Variants in MAML3 observed in about 807,000 individuals in gnomAD.
MAML3 encodes mastermind-like protein 3.
A neutral mutation model predicts 101.9 loss-of-function variants in MAML3; 27 were observed. The ratio of observed to expected loss-of-function variants is 0.27; its 90% confidence interval spans 0.20 to 0.37. MAML3 has a LOEUF of 0.37. Among genes scored for constraint, MAML3 ranks in the 10% least tolerant of loss-of-function variants. The pLI, the probability that MAML3 is intolerant of heterozygous loss-of-function variation, is 1.00. For synonymous variants in MAML3, 501 were observed against 555.9 expected (o/e 0.90, Z 1.39); for missense variants, 1,316 against 1,444.9 (o/e 0.91, Z 1.45).
At chr4:139,851,839 G>A (rs561745608) in intron 2 of MAML3, among the ~76,000 whole-genome samples, 11 of 152,218 alleles carry the variant, frequency 7.2e-5, no homozygotes, top group African/African-American at 2.7e-4. Flanking sequence ...GTGAAGGGAT[G>A]TTCCTGCCAG....
At chr4:139,803,953 C>A (rs1335449018) in intron 2 of MAML3, among the ~76,000 whole-genome samples, 1 of 152,160 alleles carries the variant, frequency 6.6e-6, no homozygotes, top group Non-Finnish European at 1.5e-5. Flanking sequence ...CATGCAGGCA[C>A]ACTGAGGATG....
At chr4:139,960,859 GA>G (rs1056432709) in intron 1 of MAML3, among the ~76,000 whole-genome samples, 11 of 148,902 alleles carry the variant, frequency 7.4e-5, no homozygotes, top group South Asian at 2.1e-4. Context: ...AGAAGGAAGA[GA>G]AAAAAAAAAT....
chr4:139,727,994 T>C (rs1728545987), intron 3 of MAML3, among the ~76,000 whole-genome samples: 1 of 152,152 alleles, frequency 6.6e-6, no homozygotes, highest in Non-Finnish European at 1.5e-5. Flanking sequence ...GGCAGGCAGA[T>C]TGCTTGAGCC....
chr4:139,890,215 T>G lies in MAML3; in HGVS notation c.1221A>C (p.Ala407=), dbSNP rs1578649706. The part of the protein sequence containing the change: ...VASTPAAPNP[A]SSPANCAVQS... Reference sequence around the variant, plus strand: ...GGACAGCACAGTTTGCTGGTGAGCTTGCAGGGTTTGGAGCTGCGGGAGTGC... The same window carrying G: ...GGACAGCACAGTTTGCTGGTGAGCTGGCAGGGTTTGGAGCTGCGGGAGTGC... Residue 407 remains alanine (A), a synonymous_variant, in exon 2 of 5, where the codon GCA becomes GCC. Coordinates refer to ENST00000509479, the MANE Select transcript of MAML3 (RefSeq NM_018717.5). This position sits in a 1 kb window ranked among gnomAD's most constrained non-coding sequence, Gnocchi z 4.1. 1 of 1,613,504 alleles carries G rather than the reference T, an allele frequency of 6.2e-7. No homozygotes were observed. The highest frequency in any genetic ancestry group is 2.2e-5 in the East Asian group (1 of 44,894).
chr4:139,942,655 T>C (rs1733630471), intron 1 of MAML3, among the ~76,000 whole-genome samples: 1 of 152,038 alleles, frequency 6.6e-6, no homozygotes, highest in Non-Finnish European at 1.5e-5. Flanking sequence ...TGCCAAACTA[T>C]GTCCCTATTG....
At chr4:140,064,807 C>CA (rs1727504031) in intron 1 of MAML3, among the ~76,000 whole-genome samples, 1 of 152,108 alleles carries the variant, frequency 6.6e-6, no homozygotes, top group Non-Finnish European at 1.5e-5. Context: ...CTCGCCTTAC[C>CA]AAAAACAACA....
chr4:139,884,517 C>T (rs1490728513), intron 2 of MAML3, among the ~76,000 whole-genome samples: 1 of 152,196 alleles, frequency 6.6e-6, no homozygotes, highest in East Asian at 1.9e-4. Flanking sequence ...CTGCTCTTCC[C>T]CACAGGAGTT....
At chr4:139,856,001 T>A (rs1175690704) in intron 2 of MAML3, among the ~76,000 whole-genome samples, 1 of 152,208 alleles carries the variant, frequency 6.6e-6, no homozygotes, top group Admixed American at 6.5e-5. Context: ...GTCTGGACCA[T>A]CCCTCAGGAC....
At chr4:140,115,260 T>A (rs935361906) in intron 1 of MAML3, among the ~76,000 whole-genome samples, 14 of 152,232 alleles carry the variant, frequency 9.2e-5, no homozygotes, top group Non-Finnish European at 1.8e-4. Flanking sequence ...ATACATTTTA[T>A]TTTTAAGTCT....
intron 1 of MAML3, among the ~76,000 whole-genome samples, chr4:140,100,566 A>G (rs1049713815): frequency 2.7e-4 from 41 of 152,204 alleles, no homozygotes; most frequent in African/African-American, 9.4e-4. Context: ...TGTATAATGT[A>G]AAAACGGAGC....
intron 1 of MAML3, among the ~76,000 whole-genome samples, chr4:140,130,226 A>G (rs988478238): frequency 7.2e-5 from 11 of 152,226 alleles, no homozygotes; most frequent in Non-Finnish European, 1.6e-4. Flanking sequence ...CAGAATCACT[A>G]TGTAAACCCC....
chr4:140,070,409 T>C (rs1237111745), intron 1 of MAML3, among the ~76,000 whole-genome samples: 1 of 152,234 alleles, frequency 6.6e-6, no homozygotes, highest in Non-Finnish European at 1.5e-5. Context: ...ATTAAAATGC[T>C]TCTCTTTGAA....
chr4:139,832,263 C>A (rs909298733), intron 2 of MAML3, among the ~76,000 whole-genome samples: 5 of 150,482 alleles, frequency 3.3e-5, no homozygotes, highest in Non-Finnish European at 5.9e-5. Context: ...TGCCACTACG[C>A]CCAGCTATTT....
intron 2 of MAML3, 196 bp from the exon 3 acceptor site, chr4:139,730,863 AAGGGAC>A: frequency 1.7e-6 from 1 of 599,358 alleles, no homozygotes; most frequent in Non-Finnish European, 3.0e-6. Context: ...GAGAGGCCAC[AAGGGAC>A]AGTAAGAGAG....
At chr4:139,731,435 TAAAAAAAA>T (rs70943437) in intron 2 of MAML3, 17 of 38,744 alleles carry the variant, frequency 4.4e-4, no homozygotes, top group Non-Finnish European at 4.5e-4. Flanking sequence ...CTGTCTCTAC[TAAAAAAAA>T]AAAAAAAAAA....
At chr4:139,825,390 T>C (rs1020243852) in intron 2 of MAML3, among the ~76,000 whole-genome samples, 3 of 152,132 alleles carry the variant, frequency 2.0e-5, no homozygotes, top group Non-Finnish European at 4.4e-5. Context: ...CATTTTCTAC[T>C]TGATAGAGCA....
intron 2 of MAML3, among the ~76,000 whole-genome samples, chr4:139,771,799 G>A (rs942551519): frequency 7.9e-5 from 12 of 152,012 alleles, no homozygotes; most frequent in African/African-American, 2.9e-4. Flanking sequence ...TGTAGCTTTC[G>A]GGGGCCCATC....
At chr4:139,727,103 A>G (rs1218822347) in intron 3 of MAML3, among the ~76,000 whole-genome samples, 1 of 152,026 alleles carries the variant, frequency 6.6e-6, no homozygotes, top group Non-Finnish European at 1.5e-5. Flanking sequence ...GTTTATTTCA[A>G]TTTTTTCTCT....
intron 1 of MAML3, among the ~76,000 whole-genome samples, chr4:140,074,494 T>C (rs190580283): frequency 1.3e-5 from 2 of 152,314 alleles, no homozygotes; most frequent in East Asian, 3.9e-4. Context: ...TCTGAAACTT[T>C]GTGAGTGCCA....
Sources: gnomAD v4.1 joint callset for allele counts (sites outside exome capture counted in the v4.1 genomes callset) on GRCh38, gnomAD v4.1.1 for gene constraint, Gnocchi (gnomAD v3.1) non-coding constraint, MANE v1.5 for transcripts, NCBI Gene and HGNC (gene_info 2026-07-23, HGNC 2026-07-21) for gene names.